Variants in OR51M1 observed in about 807,000 individuals in gnomAD.
OR51M1 encodes the protein olfactory receptor family 51 subfamily M member 1, also known as olfactory receptor 51M1.
For missense variants in OR51M1, 509 were observed against 404.4 expected (o/e 1.26, Z -2.22); for synonymous variants, 199 against 155.1 (o/e 1.28, Z -2.10).
chr11:5,389,533 T>C lies in OR51M1; in HGVS notation c.135T>C (p.Phe45=), dbSNP rs377377120. ...ACTGGATTTTCATCCCCTTTTTCTT[T>C]ATGTACATGGTTGCCATCTCAGGCA... ...IKHWIFIPFF[F]MYMVAISGNC... Residue 45 remains phenylalanine, a synonymous_variant, in exon 3 of 3, where the codon TTT becomes TTC. Transcript: ENST00000642046. The C allele has an allele frequency of 6.0e-5, 97 of 1,614,014 alleles. No homozygotes were observed. In the African/African-American group the frequency reaches 1.1e-3, roughly 18 times the overall value.
intron 2 of OR51M1, 88 bp downstream of exon 2, chr11:5,385,546 G>C (rs191148260): frequency 6.6e-6 from 1 of 151,960 alleles, no homozygotes; most frequent in African/African-American, 2.4e-5. Flanking sequence ...ACACTGTCAG[G>C]CTCCAGGGGC....
At chr11:5,385,264 G>C (rs147772113) in intron 1 of OR51M1, 89 bp from the exon 2 acceptor site, 12 of 152,126 alleles carry the variant, frequency 7.9e-5, no homozygotes, top group Admixed American at 2.0e-4. Context: ...TATCTCTCTT[G>C]CTAGGAGAAA....
chr11:5,387,147 T>C (rs1010075525), intron 2 of OR51M1, among the ~76,000 whole-genome samples: 1 of 152,010 alleles, frequency 6.6e-6, no homozygotes, highest in Non-Finnish European at 1.5e-5. Flanking sequence ...AACATAAATA[T>C]TTGAGCAATG....
chr11:5,387,133 G>C (rs1849707498), intron 2 of OR51M1, among the ~76,000 whole-genome samples: 1 of 152,058 alleles, frequency 6.6e-6, no homozygotes, highest in Non-Finnish European at 1.5e-5. Context: ...ACAGTAAACT[G>C]AATAACATAA....
intron 2 of OR51M1, among the ~76,000 whole-genome samples, chr11:5,386,952 C>T (rs1017553071): frequency 3.3e-5 from 5 of 151,892 alleles, no homozygotes; most frequent in Admixed American, 6.6e-5. Flanking sequence ...CAATATTAGA[C>T]GTGTTGAGTT....
chr11:5,390,449 T>G lies in OR51M1; in HGVS notation c.*70T>G, dbSNP rs1849779140. ...AAATTGGACTGAAAATTTGGAGTAT[T>G]GAGTATATAGCATGCTCTTAAAGAT... On this transcript the variant is annotated 3_prime_UTR_variant, in exon 3 of 3. Transcript: ENST00000642046. 2.3e-6 allele frequency: 3 copies of G among 1,324,502 alleles called. No homozygotes were observed. The highest frequency in any genetic ancestry group is 3.1e-6 in the Non-Finnish European group (3 of 980,254). 82.0% of individuals were successfully genotyped at this position (1,324,502 alleles called of 1,614,324 possible).
rs1448786277 is a variant in OR51M1 at position 5,388,358 on chromosome 11, G to A, written c.-15-1026G>A. On this transcript the variant is annotated intron_variant, in intron 2 of 2. Transcript: ENST00000642046. ...GGTAATTAGTGCATAGTGAACTACA[G>A]GAACACATAGGAGAGGGTATTCAAA... Among the ~76,000 whole-genome samples, 5 of 151,490 alleles carry A rather than the reference G, an allele frequency of 3.3e-5. 1 individual carries two copies. The highest frequency in any genetic ancestry group is 3.3e-4 in the Admixed American group (5 of 15,180).
intron 2 of OR51M1, among the ~76,000 whole-genome samples, chr11:5,387,336 G>T (rs138812106): frequency 2.0e-5 from 3 of 152,090 alleles, no homozygotes; most frequent in African/African-American, 7.2e-5. Context: ...TTGGCCCCTA[G>T]AAGTCACTGG....
rs1471367467 is a variant in OR51M1 at position 5,390,700 on chromosome 11, C to T, written c.*321C>T. 1.2e-5 allele frequency: 3 copies of T among 244,364 alleles called. No homozygotes were observed. Among genetic ancestry groups the T allele is most frequent in the East Asian group, 1.7e-4 (2 of 11,502 alleles). 15.1% of individuals were successfully genotyped at this position (244,364 alleles called of 1,614,324 possible). A position where few individuals can be genotyped will look rare whatever the true frequency, so the allele number is the denominator to read the frequency against. The stretch of plus-strand genomic sequence containing the variant: ...AAAAACTAAAAAGAACAATAAATAC[C>T]AGAGCACCCAGAGGAGAGCCTGGCA... On this transcript the variant is annotated 3_prime_UTR_variant, in exon 3 of 3. Transcript: ENST00000642046.
At chr11:5,385,812 T>C (rs1482436283) in intron 2 of OR51M1, among the ~76,000 whole-genome samples, 1 of 148,970 alleles carries the variant, frequency 6.7e-6, no homozygotes, top group East Asian at 1.9e-4. Context: ...AAAAAATCTA[T>C]AAAGTATATA....
Position 5,390,176 on chromosome 11 carries a change from G to T in OR51M1, c.778G>T (p.Val260Leu), listed in dbSNP as rs774673987. ...FQTCTAPLCA[V>L]LVFFVPMMGL... ...GACATGCACCGCTCCTCTCTGTGCT[G>T]TGCTAGTATTCTTTGTGCCCATGAT... Residue 260 changes from valine (V) to leucine (L), a missense_variant, in exon 3 of 3, where the codon GTG (valine) becomes TTG (leucine). Coordinates refer to ENST00000642046, the MANE Select transcript of OR51M1 (RefSeq NM_001004756.3). 6.2e-7 allele frequency: 1 copy of T among 1,614,006 alleles called. No homozygotes were observed. Among genetic ancestry groups the T allele is most frequent in the Non-Finnish European group, 8.5e-7 (1 of 1,179,876 alleles).
At chr11:5,389,362 A>T in intron 2 of OR51M1, 22 bp from the exon 3 acceptor site, 1 of 1,588,496 alleles carries the variant, frequency 6.3e-7, no homozygotes, top group Non-Finnish European at 8.6e-7. Context: ...ATTAATAACC[A>T]GAAATATCCA....
In OR51M1 at chr11:5,392,278, C is replaced by A. The variant is rs1433474913; in HGVS notation, c.*1899C>A. 2 of 152,140 alleles carry A rather than the reference C, an allele frequency of 1.3e-5. No homozygotes were observed. Among genetic ancestry groups the A allele is most frequent in the Non-Finnish European group, 2.9e-5 (2 of 68,032 alleles). 9.4% of individuals were successfully genotyped at this position (152,140 alleles called of 1,614,324 possible). A position where few individuals can be genotyped will look rare whatever the true frequency, so the allele number is the denominator to read the frequency against. Reference sequence around the variant, plus strand: ...GGCTGGCACTCCTTAAACATAGGTTCCATTCTAAACTTTAATTTACATCCA... The same window carrying A: ...GGCTGGCACTCCTTAAACATAGGTTACATTCTAAACTTTAATTTACATCCA... On this transcript the variant is annotated 3_prime_UTR_variant, in exon 3 of 3. Transcript: ENST00000642046.
At chr11:5,388,986 C>G (rs981911293) in intron 2 of OR51M1, among the ~76,000 whole-genome samples, 1 of 151,922 alleles carries the variant, frequency 6.6e-6, no homozygotes, top group Non-Finnish European at 1.5e-5. Context: ...TTGCTAGAGT[C>G]TGGAAATCAA....
chr11:5,389,989 A>G lies in OR51M1; in HGVS notation c.591A>G (p.Ile197Met). 1 of 1,612,856 alleles carries G rather than the reference A, an allele frequency of 6.2e-7. No homozygotes were observed. The highest frequency in any genetic ancestry group is 1.6e-4 in the Middle Eastern group (1 of 6,062). ...SHSFCLHQEV[I>M]QLACTDITFN... ...CATTTTGCCTGCACCAGGAAGTGATACAGCTGGCCTGCACAGATATCACCT... is the reference window on the plus strand; with the variant it reads ...CATTTTGCCTGCACCAGGAAGTGATGCAGCTGGCCTGCACAGATATCACCT... The change falls in exon 3 of 3, where the codon ATA (isoleucine) becomes ATG (methionine). Residue 197 changes from isoleucine to methionine, a missense_variant. Coordinates refer to ENST00000642046, the MANE Select transcript of OR51M1 (RefSeq NM_001004756.3).
chr11:5,384,265 G>A (rs181807551), intron 1 of OR51M1, among the ~76,000 whole-genome samples: 17 of 152,168 alleles, frequency 1.1e-4, no homozygotes, highest in East Asian at 3.9e-4. Flanking sequence ...AACTCAAACC[G>A]GATTCAAGCA....
rs7941229 is a variant in OR51M1, at chr11:5,384,782, C to T, written c.-121-571C>T. 2.9e-3 allele frequency among the ~76,000 whole-genome samples: 443 copies of T among 152,336 alleles called. 1 individual carries two copies. The highest frequency in any genetic ancestry group is 0.01 in the African/African-American group (419 of 41,574). Reference sequence around the variant, plus strand: ...CTCAATCTGCTTATTTTAATCCAAACAACACCTTGTAACTTCCCCAGTATC... The same window carrying T: ...CTCAATCTGCTTATTTTAATCCAAATAACACCTTGTAACTTCCCCAGTATC... On this transcript the variant is annotated intron_variant, in intron 1 of 2. Transcript: ENST00000642046.
At position 5,391,492 on chromosome 11, in the gene OR51M1, T is replaced by A. The variant is rs970340874; in HGVS notation, c.*1113T>A. ...CGCCAGTAAATGTATATAAATACAA[T>A]GCCTAGCACATGCCATATACTCAAT... On this transcript the variant is annotated 3_prime_UTR_variant, in exon 3 of 3. Coordinates refer to ENST00000642046, the MANE Select transcript of OR51M1 (RefSeq NM_001004756.3). 6 of 152,228 alleles carry A rather than the reference T, an allele frequency of 3.9e-5. No homozygotes were observed. The highest frequency in any genetic ancestry group is 3.2e-3 in the Middle Eastern group (1 of 316). The allele number at this position is 152,228 out of a possible 1,614,324, so 9.4% of individuals were successfully genotyped here.
At chr11:5,387,972 T>C (rs967059247) in intron 2 of OR51M1, among the ~76,000 whole-genome samples, 2 of 152,166 alleles carry the variant, frequency 1.3e-5, no homozygotes, top group Non-Finnish European at 2.9e-5. Flanking sequence ...GGTGTAAAAG[T>C]AATTGCAGTT....
Sources: allele counts gnomAD v4.1 joint callset (sites outside exome capture counted in the v4.1 genomes callset), GRCh38; gene constraint gnomAD v4.1.1; transcripts MANE v1.5; gene names NCBI Gene and HGNC (gene_info 2026-07-23, HGNC 2026-07-21).